Variants in MVK observed in about 807,000 individuals in gnomAD.
MVK encodes the protein mevalonate kinase.
Under a neutral mutation model 43.2 loss-of-function variants are expected in MVK, and 34 were observed. The observed-to-expected ratio is 0.79, with a 90% CI of 0.60 to 1.05. The LOEUF (loss-of-function observed/expected upper bound fraction) is 1.05. MVK is among the 50% of genes least tolerant of loss of function. The pLI, the probability that MVK is intolerant of heterozygous loss-of-function variation, is 0.00. For synonymous variants in MVK, 190 were observed against 219.8 expected (o/e 0.86, Z 1.20); for missense variants, 395 against 504.0 (o/e 0.78, Z 2.07).
chr12:109,583,937 C>T (rs975919590), intron 5 of MVK, among the ~76,000 whole-genome samples: 3 of 152,194 alleles, frequency 2.0e-5, no homozygotes, highest in Non-Finnish European at 2.9e-5. Context: ...AGCAGTTGCT[C>T]AATAAATGCT....
chr12:109,576,450 CG>C (rs1424398727), intron 3 of MVK, among the ~76,000 whole-genome samples: 1 of 151,800 alleles, frequency 6.6e-6, no homozygotes, highest in Non-Finnish European at 1.5e-5. Flanking sequence ...GAAAAGGTCT[CG>C]GGGGCATAGA....
Position 109,573,810 on chromosome 12 carries a change from G to C in MVK, c.-78G>C, listed in dbSNP as rs1331102893. ...GGCACGGGCGCTCTGGGTTGTGGGAGTTGGGGAGCTGCTCCGGCTTCGGCG... is the reference window on the plus strand; with the variant it reads ...GGCACGGGCGCTCTGGGTTGTGGGACTTGGGGAGCTGCTCCGGCTTCGGCG... On this transcript the variant is annotated 5_prime_UTR_variant, in exon 1 of 11. Coordinates refer to ENST00000228510, the MANE Select transcript of MVK (RefSeq NM_000431.4). The C allele has an allele frequency of 3.4e-6, 1 of 298,084 alleles. No homozygotes were observed. Among genetic ancestry groups the C allele is most frequent in the Admixed American group, 5.0e-5 (1 of 20,072 alleles). 18.5% of individuals were successfully genotyped at this position (298,084 alleles called of 1,614,324 possible). A position where few individuals can be genotyped will look rare whatever the true frequency, so the allele number is the denominator to read the frequency against.
At position 109,595,080 on chromosome 12, in the gene MVK, CCT is replaced by C. The variant is rs776735249; in HGVS notation, c.943_944del (p.Leu315GlyfsTer51). 1.2e-6 allele frequency: 2 copies of C among 1,614,218 alleles called. No homozygotes were observed. Among genetic ancestry groups the C allele is most frequent in the Non-Finnish European group, 8.5e-7 (1 of 1,180,038 alleles). The stretch of plus-strand genomic sequence containing the variant: ...CTGAATGCCCTCGGCGTGGGCCACG[CCT>C]CTCTGGACCAGCTCTGCCAGGTGAC... On this transcript the variant is annotated frameshift_variant, in exon 10 of 11. Transcript: ENST00000228510. LOFTEE classifies it high-confidence loss of function. The surrounding 1 kb of genome is among the most constrained non-coding windows in gnomAD (Gnocchi z 5.9).
chr12:109,586,946 A>G, intron 7 of MVK, 147 bp downstream of exon 7: 1 of 904,442 alleles, frequency 1.1e-6, no homozygotes, highest in Non-Finnish European at 1.8e-6. Context: ...CACTAGCTGC[A>G]AGGAAGCAGG....
At chr12:109,584,593 A>C (rs1009724464) in intron 5 of MVK, among the ~76,000 whole-genome samples, 2 of 152,208 alleles carry the variant, frequency 1.3e-5, no homozygotes, top group African/African-American at 2.4e-5. Flanking sequence ...GGCTCCAAAA[A>C]GGGCTCACTG....
intron 9 of MVK, 97 bp from the exon 10 acceptor site, chr12:109,594,931 C>T: frequency 6.6e-7 from 1 of 1,523,896 alleles, no homozygotes; most frequent in Non-Finnish European, 9.0e-7. Context: ...CTGTCTCCAG[C>T]CAACAACTGT....
chr12:109,582,561 AG>A (rs1481673860), intron 5 of MVK, among the ~76,000 whole-genome samples: 1 of 151,892 alleles, frequency 6.6e-6, no homozygotes, highest in Non-Finnish European at 1.5e-5. Flanking sequence ...CTTCCCCTGA[AG>A]GCCAGTCATT....
chr12:109,584,740 C>T (rs1331535104), intron 5 of MVK, among the ~76,000 whole-genome samples: 4 of 152,114 alleles, frequency 2.6e-5, no homozygotes, highest in Non-Finnish European at 5.9e-5. Context: ...CAAACATTAG[C>T]CAGGCGTGGT....
rs1884861737 is a variant in MVK at position 109,574,867 on chromosome 12, C to A, written c.45C>A (p.Ile15=). ...VLLVSAPGKV[I]LHGEHAVVHG... ...TGGTGTCTGCTCCGGGGAAAGTCAT[C>A]CTTCATGGAGAACATGCCGTGGTAC... Residue 15 remains isoleucine, a synonymous_variant, in exon 2 of 11, where the codon ATC becomes ATA. Coordinates refer to ENST00000228510, the MANE Select transcript of MVK (RefSeq NM_000431.4). The A allele has an allele frequency of 6.2e-7, 1 of 1,610,312 alleles. No homozygotes were observed. The highest frequency in any genetic ancestry group is 1.3e-5 in the African/African-American group (1 of 74,980).
At chr12:109,574,258 C>G (rs1884815540) in intron 1 of MVK, among the ~76,000 whole-genome samples, 1 of 152,156 alleles carries the variant, frequency 6.6e-6, no homozygotes, top group African/African-American at 2.4e-5. Flanking sequence ...TTTAAGTGTG[C>G]AAAACGAGGC....
intron 7 of MVK, 120 bp downstream of exon 7, chr12:109,586,919 A>C: frequency 8.2e-7 from 1 of 1,216,362 alleles, no homozygotes; most frequent in Non-Finnish European, 1.2e-6. Context: ...TCATCCCCCA[A>C]TGTGGCCCTC....
intron 7 of MVK, 64 bp downstream of exon 7, chr12:109,586,863 T>C (rs1885457477): frequency 1.4e-5 from 22 of 1,586,246 alleles, no homozygotes; most frequent in Non-Finnish European, 1.8e-5. Flanking sequence ...GGGGCAGAGC[T>C]CTGCACCTTT....
intron 7 of MVK, 82 bp from the exon 8 acceptor site, chr12:109,590,689 C>A: frequency 7.8e-7 from 1 of 1,286,088 alleles, no homozygotes; most frequent in Non-Finnish European, 1.1e-6. Context: ...TCAGGGTGGG[C>A]GGCTTCCCGG....
chr12:109,586,710 GT>G (rs1312788351), intron 6 of MVK, 43 bp from the exon 7 acceptor site: 4 of 1,609,912 alleles, frequency 2.5e-6, no homozygotes, highest in Non-Finnish European at 3.4e-6. Context: ...GCACAGATAT[GT>G]TAGCTTTTCC....
intron 7 of MVK, among the ~76,000 whole-genome samples, chr12:109,587,602 G>A (rs1162698813): frequency 6.6e-6 from 1 of 152,118 alleles, no homozygotes; most frequent in Non-Finnish European, 1.5e-5. Context: ...GGGCCTTTTC[G>A]CATCAGTAAG....
chr12:109,584,794 A>C (rs1885365034), intron 5 of MVK, among the ~76,000 whole-genome samples: 1 of 152,186 alleles, frequency 6.6e-6, no homozygotes, highest in Non-Finnish European at 1.5e-5. Flanking sequence ...CTGAGGTAGG[A>C]GAATCGCTTG....
rs763230475 is a variant in MVK at position 109,579,866 on chromosome 12, G to T, written c.291G>T (p.Leu97Phe). Residue 97 changes from leucine to phenylalanine, a missense_variant, in exon 4 of 11, where the codon TTG becomes TTT. Transcript: ENST00000228510. ...AGAAGCTAAAGGAGGTTGCAGGCTT[G>T]CCTGACGACTGTGCTGTCACCGAGC... ...QVEKLKEVAG[L>F]PDDCAVTERL... 4.3e-6 allele frequency: 7 copies of T among 1,614,162 alleles called. No homozygotes were observed. The highest frequency in any genetic ancestry group is 3.3e-5 in the Admixed American group (2 of 60,012).
chr12:109,573,938 G>A (rs1222769754), intron 1 of MVK, 65 bp downstream of exon 1: 1 of 159,198 alleles, frequency 6.3e-6, no homozygotes, highest in African/African-American at 2.4e-5. Context: ...CGCTGAGCCA[G>A]GCGTCCAGCT....
chr12:109,578,298 A>AT (rs1251502393), intron 3 of MVK, among the ~76,000 whole-genome samples: 1 of 149,498 alleles, frequency 6.7e-6, no homozygotes, highest in Non-Finnish European at 1.5e-5. Context: ...GGGTCTTACT[A>AT]TGTTGCCCAG....
Sources: allele counts gnomAD v4.1 joint callset (sites outside exome capture counted in the v4.1 genomes callset), GRCh38; gene constraint gnomAD v4.1.1; non-coding constraint Gnocchi (gnomAD v3.1); transcripts MANE v1.5; gene names NCBI Gene and HGNC (gene_info 2026-07-23, HGNC 2026-07-21).